CACNA2D3: variants seen among roughly 807,000 people sequenced by gnomAD.
CACNA2D3 encodes the protein calcium voltage-gated channel auxiliary subunit alpha2delta 3.
CACNA2D3 carries 60 observed loss-of-function variants against 160.6 expected under a neutral mutation model. The ratio of observed to expected loss-of-function variants is 0.37; its 90% CI spans 0.30 to 0.46. The LOEUF (loss-of-function observed/expected upper bound fraction) is 0.46. CACNA2D3 is among the 20% of genes least tolerant of loss of function. CACNA2D3 has a pLI of 1.00. For synonymous variants in CACNA2D3, 558 were observed against 492.9 expected (o/e 1.13, Z -1.75); for missense variants, 1,205 against 1,365.0 (o/e 0.88, Z 1.85).
intron 10 of CACNA2D3, 112 bp from the exon 11 acceptor site, chr3:54,642,016 G>A: frequency 1.6e-6 from 1 of 606,530 alleles, no homozygotes; most frequent in Non-Finnish European, 2.9e-6. Context: ...GGTGGACAGT[G>A]TGCTGTCATT....
At chr3:54,531,968 G>A (rs370388179) in intron 5 of CACNA2D3, among the ~76,000 whole-genome samples, 2 of 152,142 alleles carry the variant, frequency 1.3e-5, no homozygotes, top group East Asian at 1.9e-4. Context: ...CTTGGCAGCC[G>A]GTGTCTTGCC....
intron 3 of CACNA2D3, among the ~76,000 whole-genome samples, chr3:54,379,562 T>C (rs553971250): frequency 2.0e-5 from 3 of 152,366 alleles, no homozygotes; most frequent in African/African-American, 4.8e-5. Flanking sequence ...CTGCAGGTTA[T>C]TCATTTCGCC....
chr3:55,065,407 G>A (rs574619702), intron 35 of CACNA2D3, among the ~76,000 whole-genome samples: 1 of 152,294 alleles, frequency 6.6e-6, no homozygotes, highest in East Asian at 1.9e-4. Flanking sequence ...AAGCTTATTT[G>A]GCTTAGAAAA....
intron 37 of CACNA2D3, 87 bp downstream of exon 37, chr3:55,073,946 T>G (rs1704881694): frequency 8.2e-7 from 1 of 1,217,616 alleles, no homozygotes; most frequent in African/African-American, 1.5e-5. Context: ...AGCTGAAAAG[T>G]TCACTCATGA....
intron 11 of CACNA2D3, among the ~76,000 whole-genome samples, chr3:54,742,303 A>C (rs1027275965): frequency 2.6e-5 from 4 of 152,174 alleles, no homozygotes; most frequent in African/African-American, 9.6e-5. Flanking sequence ...CTGTAGTCCC[A>C]GCTACTTGGG....
At chr3:54,208,116 T>C (rs901801647) in intron 2 of CACNA2D3, among the ~76,000 whole-genome samples, 4 of 152,200 alleles carry the variant, frequency 2.6e-5, no homozygotes, top group African/African-American at 9.6e-5. Context: ...GAACTGCCTT[T>C]CTTTTTGAGA....
chr3:54,554,933 A>G (rs938601509), intron 5 of CACNA2D3, among the ~76,000 whole-genome samples: 5 of 129,770 alleles, frequency 3.9e-5, no homozygotes, highest in African/African-American at 6.0e-5. Context: ...GGAGTCCAGT[A>G]GTGCAATCTT....
intron 11 of CACNA2D3, among the ~76,000 whole-genome samples, chr3:54,676,162 T>C (rs1384902099): frequency 2.0e-5 from 3 of 152,198 alleles, no homozygotes; most frequent in African/African-American, 7.2e-5. Flanking sequence ...GTGAAAGACC[T>C]AACACGATTC....
At chr3:54,292,616 C>T (rs1191761015) in intron 2 of CACNA2D3, among the ~76,000 whole-genome samples, 2 of 152,006 alleles carry the variant, frequency 1.3e-5, no homozygotes, top group Admixed American at 1.3e-4. Flanking sequence ...AAATTAAAGC[C>T]ACAGTCAGAT....
At chr3:54,302,427 G>A (rs1445834399) in intron 2 of CACNA2D3, among the ~76,000 whole-genome samples, 2 of 152,242 alleles carry the variant, frequency 1.3e-5, no homozygotes, top group East Asian at 3.9e-4. Flanking sequence ...TGTTTTTCAG[G>A]TGAATGAGTT....
Position 54,756,970 on chromosome 3 carries a change from A to G in CACNA2D3, c.1246+4293A>G, listed in dbSNP as rs77353464. Among the ~76,000 whole-genome samples, 57 of 152,298 alleles carry G rather than the reference A, an allele frequency of 3.7e-4. No homozygotes were observed. The East Asian group carries it at 0.011, about 28-fold the overall frequency. On this transcript the variant is annotated intron_variant, in intron 12 of 37. Coordinates refer to ENST00000474759, the MANE Select transcript of CACNA2D3 (RefSeq NM_018398.3). ...CCCTAATGAGACAAAGCAGCAAGCC[A>G]TTTTACATACATTAAAACAATCATT... is the stretch of plus-strand genomic sequence containing the variant.
chr3:54,851,974 G>A (rs1699068126), intron 17 of CACNA2D3, among the ~76,000 whole-genome samples: 1 of 152,168 alleles, frequency 6.6e-6, no homozygotes, highest in Admixed American at 6.5e-5. Flanking sequence ...TCTAGAGTGT[G>A]ACCAGACATT....
chr3:54,999,366 T>G (rs1702931451), intron 31 of CACNA2D3, among the ~76,000 whole-genome samples: 1 of 152,182 alleles, frequency 6.6e-6, no homozygotes, highest in African/African-American at 2.4e-5. Context: ...TCCTCCCCCA[T>G]GCCTTTTCAA....
intron 6 of CACNA2D3, among the ~76,000 whole-genome samples, chr3:54,566,908 C>A (rs1469217008): frequency 6.6e-6 from 1 of 152,186 alleles, no homozygotes; most frequent in Non-Finnish European, 1.5e-5. Flanking sequence ...TTGCTAGTAT[C>A]AAGTTCAGGT....
intron 2 of CACNA2D3, among the ~76,000 whole-genome samples, chr3:54,142,424 T>C (rs1412923808): frequency 6.6e-6 from 1 of 152,184 alleles, no homozygotes; most frequent in Non-Finnish European, 1.5e-5. Flanking sequence ...CAGGAAGCCT[T>C]ATTCCAACCT....
At chr3:54,425,500 C>T (rs1699899645) in intron 4 of CACNA2D3, among the ~76,000 whole-genome samples, 2 of 152,194 alleles carry the variant, frequency 1.3e-5, no homozygotes, top group African/African-American at 2.4e-5. Context: ...ATTGTTTAAG[C>T]ATCTTCCCAC....
intron 11 of CACNA2D3, among the ~76,000 whole-genome samples, chr3:54,730,526 G>T (rs1367100125): frequency 6.6e-6 from 1 of 152,048 alleles, no homozygotes; most frequent in South Asian, 2.1e-4. Context: ...TCTTTTTGAT[G>T]GAGTCTCGCT....
At chr3:54,412,621 T>TTTTTTTTTTTTC (rs1699687997) in intron 4 of CACNA2D3, among the ~76,000 whole-genome samples, 1 of 149,266 alleles carries the variant, frequency 6.7e-6, no homozygotes, top group Non-Finnish European at 1.5e-5. Flanking sequence ...TTTTTTTTTT[T>TTTTTTTTTTTTC]AGTCTGACAA....
At chr3:54,493,296 C>T (rs1701146349) in intron 4 of CACNA2D3, among the ~76,000 whole-genome samples, 1 of 151,960 alleles carries the variant, frequency 6.6e-6, no homozygotes, top group East Asian at 1.9e-4. Flanking sequence ...AGGCTGGTCT[C>T]GAACTCTTGA....
Sources: gnomAD v4.1 joint callset for allele counts (sites outside exome capture counted in the v4.1 genomes callset) on GRCh38, gnomAD v4.1.1 for gene constraint, MANE v1.5 for transcripts, NCBI Gene and HGNC (gene_info 2026-07-23, HGNC 2026-07-21) for gene names.